Variants in TK1 observed in about 807,000 individuals in gnomAD.
The protein encoded by TK1 is thymidine kinase, cytosolic.
In TK1, 13 loss-of-function variants were observed where a neutral mutation model predicts 22.4. The ratio of observed to expected loss-of-function variants is 0.58; its 90% CI spans 0.38 to 0.92. The LOEUF (loss-of-function observed/expected upper bound fraction) is 0.92, where lower values mean the gene tolerates loss of function less well. TK1 is among the 40% of genes least tolerant of loss of function. The pLI is 0.00. For synonymous variants in TK1, 134 were observed against 125.4 expected (o/e 1.07, Z -0.46); for missense variants, 251 against 315.7 (o/e 0.80, Z 1.55).
intron 2 of TK1, among the ~76,000 whole-genome samples, chr17:78,186,513 C>A (rs1046101491): frequency 1.3e-5 from 2 of 151,988 alleles, no homozygotes; most frequent in African/African-American, 4.8e-5. Context: ...AAGCTGTAAG[C>A]AGCTGTCACC....
chr17:78,186,998 GC>G lies in TK1; in HGVS notation c.-5del. 6 of 1,585,276 alleles carry G rather than the reference GC, an allele frequency of 3.8e-6. No individual in the cohort carries two copies. The highest frequency in any genetic ancestry group is 1.3e-5 in the African/African-American group (1 of 74,172). ...TGGGCAGGTTAATGCAGCTCATTGC[GC>G]CTCCGGGAAGTTCACGAACCCGAGT... On this transcript the variant is annotated 5_prime_UTR_variant, in exon 1 of 7. Transcript: ENST00000301634.
intron 4 of TK1, among the ~76,000 whole-genome samples, chr17:78,181,537 C>CA (rs34860308): frequency 0.11 from 12,918 of 122,568 alleles, 866 homozygotes; most frequent in African/African-American, 0.2. Flanking sequence ...GACTCCGTCT[C>CA]AAAAAAAAAA....
At chr17:78,180,991 T>A (rs985437336) in intron 4 of TK1, among the ~76,000 whole-genome samples, 3 of 152,248 alleles carry the variant, frequency 2.0e-5, no homozygotes, top group African/African-American at 7.2e-5. Context: ...GGCTCACGCC[T>A]GTAATCCCAG....
intron 4 of TK1, among the ~76,000 whole-genome samples, chr17:78,176,869 G>A (rs1031032674): frequency 5.3e-5 from 8 of 152,074 alleles, no homozygotes; most frequent in African/African-American, 9.7e-5. Flanking sequence ...CCCCAGCTGC[G>A]ACAAAATTGT....
chr17:78,182,143 G>A (rs2075742170), intron 4 of TK1, among the ~76,000 whole-genome samples: 1 of 151,982 alleles, frequency 6.6e-6, no homozygotes, highest in Admixed American at 6.6e-5. Context: ...GGAGTTCAAG[G>A]CGGGGCGGAT....
chr17:78,187,139 G>T (rs767414555), upstream of TK1: 23 of 1,007,010 alleles, frequency 2.3e-5, no homozygotes, highest in Non-Finnish European at 3.4e-5. Flanking sequence ...TCAGCGCCCG[G>T]CCGCTGACCT....
intron 2 of TK1, among the ~76,000 whole-genome samples, chr17:78,186,380 G>A (rs1032678498): frequency 1.2e-4 from 18 of 152,140 alleles, no homozygotes; most frequent in African/African-American, 4.3e-4. Flanking sequence ...TTTAGAAAGC[G>A]ACTACGTTTC....
At position 78,182,690 on chromosome 17, in the gene TK1, G is replaced by A; in HGVS notation, c.210-8C>T. ...AGTGCCTCCATGGTGTTCCTGGGAA[G>A]AGAAAGCCAGAGCGTGAGCAGGGCC... On this transcript the variant is annotated splice_region_variant and splice_polypyrimidine_tract_variant and intron_variant, in intron 3 of 6. Coordinates refer to ENST00000301634, the MANE Select transcript of TK1 (RefSeq NM_003258.5). The A allele has an allele frequency of 6.4e-7, 1 of 1,560,296 alleles. No individual in the cohort carries two copies. Among genetic ancestry groups the A allele is most frequent in the Admixed American group, 1.9e-5 (1 of 52,358 alleles).
chr17:78,186,977 C>T lies in TK1; in HGVS notation c.18G>A (p.Leu6=). Residue 6 remains leucine (L), a synonymous_variant, in exon 1 of 7, where the codon CTG becomes CTA. Coordinates refer to ENST00000301634, the MANE Select transcript of TK1 (RefSeq NM_003258.5). MSCIN[L]PTVLPGSPSK... is the part of the protein sequence containing the mutation. Reference sequence around the variant, plus strand: ...TGGGGGAGCCAGGCAGCACAGTGGGCAGGTTAATGCAGCTCATTGCGCCTC... The same window carrying T: ...TGGGGGAGCCAGGCAGCACAGTGGGTAGGTTAATGCAGCTCATTGCGCCTC... 6.3e-7 allele frequency: 1 copy of T among 1,580,060 alleles called. No homozygotes were observed. Among genetic ancestry groups the T allele is most frequent in the Non-Finnish European group, 8.6e-7 (1 of 1,163,358 alleles).
rs1326322669 is a variant in TK1, at chr17:78,175,127, C to T, written c.436G>A (p.Val146Met). 5.6e-6 allele frequency: 9 copies of T among 1,613,216 alleles called. No homozygotes were observed. The highest frequency in any genetic ancestry group is 3.3e-5 in the South Asian group (3 of 91,078). Residue 146 changes from valine (V) to methionine (M), a missense_variant, in exon 6 of 7, where the codon GTG (valine) becomes ATG (methionine). Physicochemically the swap from Val to Met is conservative, Grantham distance 21 (BLOSUM62 1). Coordinates refer to ENST00000301634, the MANE Select transcript of TK1 (RefSeq NM_003258.5). ...ILNLVPLAES[V>M]VKLTAVCMEC... ...ATGCACACCGCCGTCAGCTTCACCA[C>T]GCTCTCGGCCAGCGGCACCAGGTTC... is the stretch of plus-strand genomic sequence containing the variant.
Position 78,182,693 on chromosome 17 carries a change from A to G in TK1, c.210-11T>C. Reference sequence around the variant, plus strand: ...GCCTCCATGGTGTTCCTGGGAAGAGAAAGCCAGAGCGTGAGCAGGGCCAGG... The same window carrying G: ...GCCTCCATGGTGTTCCTGGGAAGAGGAAGCCAGAGCGTGAGCAGGGCCAGG... On this transcript the variant is annotated splice_polypyrimidine_tract_variant and intron_variant, in intron 3 of 6. Coordinates refer to ENST00000301634, the MANE Select transcript of TK1 (RefSeq NM_003258.5). 1.3e-6 allele frequency: 2 copies of G among 1,560,614 alleles called. No homozygotes were observed. The highest frequency in any genetic ancestry group is 2.3e-5 in the South Asian group (2 of 85,234).
downstream of TK1, chr17:78,174,081 C>T (rs1415958056): frequency 6.6e-6 from 1 of 152,238 alleles, no homozygotes; most frequent in East Asian, 1.9e-4. Flanking sequence ...AATGTGCGTC[C>T]ACCAACCAGT....
At chr17:78,187,087 G>C (rs1324884467), upstream of TK1, 1 of 1,379,248 alleles carries the variant, frequency 7.3e-7, no homozygotes, top group South Asian at 1.2e-5. Flanking sequence ...AAACCACGGC[G>C]TGCTGGCCAA....
chr17:78,178,720 C>T (rs1046741594), intron 4 of TK1, among the ~76,000 whole-genome samples: 34 of 152,352 alleles, frequency 2.2e-4, no homozygotes, highest in African/African-American at 7.9e-4. Context: ...TCTTGGCTCA[C>T]TGCAACCTTC....
chr17:78,175,312 C>T (rs1431484604), intron 5 of TK1, 143 bp from the exon 6 acceptor site: 9 of 1,285,824 alleles, frequency 7.0e-6, no homozygotes, highest in South Asian at 3.0e-5. Flanking sequence ...GCACCATGCC[C>T]GGCTCTGTCC....
At chr17:78,176,254 C>T (rs1013493898) in intron 4 of TK1, among the ~76,000 whole-genome samples, 2 of 151,204 alleles carry the variant, frequency 1.3e-5, no homozygotes, top group East Asian at 3.9e-4. Context: ...GCAAACTTCA[C>T]TTTGGCCCAG....
chr17:78,186,883 C>T (rs1251813937), intron 1 of TK1, 46 bp downstream of exon 1: 1 of 1,565,730 alleles, frequency 6.4e-7, no homozygotes, highest in Non-Finnish European at 8.7e-7. Context: ...CAGGCTATCA[C>T]CACGACCACC....
intron 4 of TK1, among the ~76,000 whole-genome samples, chr17:78,176,969 G>A (rs1245296916): frequency 6.6e-6 from 1 of 152,224 alleles, no homozygotes; most frequent in African/African-American, 2.4e-5. Context: ...CCCGCCACAT[G>A]AGGGTAGAAG....
In TK1 at chr17:78,174,629, T is replaced by TG; in HGVS notation, c.*129_*130insC. The TG allele has an allele frequency of 9.4e-7, 1 of 1,059,756 alleles. No homozygotes were observed. The allele number at this position is 1,059,756 out of a possible 1,614,324, so 65.6% of individuals were successfully genotyped here. On this transcript the variant is annotated 3_prime_UTR_variant, in exon 7 of 7. Transcript: ENST00000301634. ...GGTGGGGCAGCCACACAAAGGAGAG[T>TG]TCCCAGAAGGCCAAGGTGTGGTCAC... is the stretch of plus-strand genomic sequence containing the variant.
Sources: allele counts gnomAD v4.1 joint callset (sites outside exome capture counted in the v4.1 genomes callset), GRCh38; gene constraint gnomAD v4.1.1; transcripts MANE v1.5; gene names NCBI Gene and HGNC (gene_info 2026-07-23, HGNC 2026-07-21).